Variants in EXOC6B observed in about 807,000 individuals in gnomAD.
EXOC6B encodes exocyst complex component 6B, also known as SEC15 homolog B.
Under a neutral mutation model 113.5 loss-of-function variants are expected in EXOC6B, and 54 were observed. The ratio of observed to expected loss-of-function variants is 0.48; its 90% confidence interval spans 0.38 to 0.60. The LOEUF is 0.60. Ranked by LOEUF, EXOC6B falls within the 20% of genes least tolerant of loss-of-function variation. The pLI is 0.00. For missense variants in EXOC6B, 797 were observed against 977.5 expected, an observed-to-expected ratio of 0.82 and a Z score of 2.46; for synonymous variants, 357 against 339.0, an observed-to-expected ratio of 1.05 and a Z score of -0.58.
intron 20 of EXOC6B, among the ~76,000 whole-genome samples, chr2:72,275,641 T>C (rs1164235609): frequency 6.6e-6 from 1 of 152,170 alleles, no homozygotes; most frequent in African/African-American, 2.4e-5. Context: ...CTAAAAAAGA[T>C]ATAATCTTTC....
intron 18 of EXOC6B, among the ~76,000 whole-genome samples, chr2:72,430,659 A>T (rs534723517): frequency 9.8e-5 from 15 of 152,302 alleles, no homozygotes; most frequent in Admixed American, 2.6e-4. Context: ...AAAAGAAAAA[A>T]CAATTACTCC....
intron 6 of EXOC6B, among the ~76,000 whole-genome samples, chr2:72,657,706 T>C (rs945765502): frequency 5.3e-5 from 8 of 150,840 alleles, no homozygotes; most frequent in African/African-American, 2.0e-4. Context: ...TTGGGGTCTC[T>C]GATGATTTTG....
At chr2:72,258,914 C>G (rs1683527924) in intron 20 of EXOC6B, among the ~76,000 whole-genome samples, 1 of 152,104 alleles carries the variant, frequency 6.6e-6, no homozygotes, top group Admixed American at 6.6e-5. Context: ...CCATCTAAAT[C>G]TACAATTTAC....
chr2:72,218,257 G>A (rs1010931298), intron 20 of EXOC6B, among the ~76,000 whole-genome samples: 2 of 152,200 alleles, frequency 1.3e-5, no homozygotes, highest in Admixed American at 6.5e-5. Flanking sequence ...CAAGGTGAAT[G>A]TTTCAGGTTG....
At chr2:72,708,102 T>C (rs1679006098) in intron 6 of EXOC6B, among the ~76,000 whole-genome samples, 1 of 152,004 alleles carries the variant, frequency 6.6e-6, no homozygotes, top group Non-Finnish European at 1.5e-5. Flanking sequence ...AATATTAACC[T>C]CCTGAAACAA....
intron 19 of EXOC6B, among the ~76,000 whole-genome samples, chr2:72,373,269 G>A (rs1460118637): frequency 6.6e-6 from 1 of 152,008 alleles, no homozygotes; most frequent in East Asian, 1.9e-4. Context: ...TGGCCTGACT[G>A]GTCTGGAACT....
At position 72,683,834 on chromosome 2, in the gene EXOC6B, T is replaced by C. The variant is rs1169064214; in HGVS notation, c.669+34269A>G. On this transcript the variant is annotated intron_variant, in intron 6 of 21. Transcript: ENST00000272427. ...TGTTGCTCCTCTGTCATTTAGTTTA[T>C]CATTCCACCTTTTTTTCTTTGTGCT... is the stretch of plus-strand genomic sequence containing the variant. Among the ~76,000 whole-genome samples, 4 of 152,352 alleles carry C rather than the reference T, an allele frequency of 2.6e-5. No homozygotes were observed. In the East Asian group the frequency reaches 5.8e-4, roughly 22 times the overall value.
rs888518994 is a variant in EXOC6B, at chr2:72,634,033, G to GA, written c.670-58366dup. 1.6e-3 allele frequency among the ~76,000 whole-genome samples: 239 copies of GA among 150,250 alleles called. 1 individual carries two copies. Among genetic ancestry groups the GA allele is most frequent in the African/African-American group, 5.5e-3 (225 of 40,976 alleles). ...ACGAAAATAAAAACGATCCAGATGGGAAAAAAAAAGAGCATGCGTGAAGGT... is the reference window on the plus strand; with the variant it reads ...ACGAAAATAAAAACGATCCAGATGGGAAAAAAAAAAGAGCATGCGTGAAGGT... On this transcript the variant is annotated intron_variant, in intron 6 of 21. Transcript: ENST00000272427.
chr2:72,557,486 T>A (rs899975001), intron 8 of EXOC6B, among the ~76,000 whole-genome samples: 2 of 152,216 alleles, frequency 1.3e-5, no homozygotes, highest in East Asian at 3.8e-4. Context: ...AATGAGATCA[T>A]GTCTTTTGCA....
chr2:72,318,047 T>C (rs1461770362), intron 20 of EXOC6B, among the ~76,000 whole-genome samples: 1 of 152,206 alleles, frequency 6.6e-6, no homozygotes. Flanking sequence ...CTCACTTTGC[T>C]GGCCAATAGA....
At chr2:72,698,965 A>T (rs1426680226) in intron 6 of EXOC6B, among the ~76,000 whole-genome samples, 1 of 152,234 alleles carries the variant, frequency 6.6e-6, no homozygotes, top group Non-Finnish European at 1.5e-5. Flanking sequence ...TACGGACCTT[A>T]ATAATCTAGA....
chr2:72,605,140 G>A (rs535615350), intron 6 of EXOC6B, among the ~76,000 whole-genome samples: 8 of 151,994 alleles, frequency 5.3e-5, no homozygotes, highest in South Asian at 2.1e-4. Flanking sequence ...AAAATTAGCA[G>A]GGTGTGATGG....
chr2:72,414,897 TTTTTTG>T (rs200362779), intron 18 of EXOC6B, among the ~76,000 whole-genome samples: 31,594 of 151,366 alleles, frequency 0.21, 6,214 homozygotes, highest in African/African-American at 0.53. Context: ...TTATTATTAG[TTTTTTG>T]TTTTTGTTTT....
At chr2:72,197,483 A>T (rs967750933) in intron 20 of EXOC6B, among the ~76,000 whole-genome samples, 2 of 152,194 alleles carry the variant, frequency 1.3e-5, no homozygotes, top group African/African-American at 4.8e-5. Flanking sequence ...ACTGACTCTC[A>T]GTCTAAGGAC....
At chr2:72,394,338 A>T (rs548615830) in intron 18 of EXOC6B, among the ~76,000 whole-genome samples, 1 of 152,250 alleles carries the variant, frequency 6.6e-6, no homozygotes, top group African/African-American at 2.4e-5. Flanking sequence ...TTCTGAAGCA[A>T]ATCAAGGAGA....
In EXOC6B at chr2:72,736,984, G is replaced by A. The variant is rs373325168; in HGVS notation, c.280-3866C>T. ...TTTTGTCCAGCTAAGGCTGATCAGC[G>A]CACAAAATTTAAGGATTACAAATGT... On this transcript the variant is annotated intron_variant, in intron 2 of 21. Coordinates refer to ENST00000272427, the MANE Select transcript of EXOC6B (RefSeq NM_015189.3). Among the ~76,000 whole-genome samples, 14 of 152,216 alleles carry A rather than the reference G, an allele frequency of 9.2e-5. No homozygotes were observed. The East Asian group carries it at 9.7e-4, about 11-fold the overall frequency.
chr2:72,710,202 C>T (rs1205697653), intron 6 of EXOC6B, among the ~76,000 whole-genome samples: 1 of 152,002 alleles, frequency 6.6e-6, no homozygotes, highest in South Asian at 2.1e-4. Context: ...AAAAATATTG[C>T]TTTCTGTGGG....
At chr2:72,543,717 T>C (rs1702744320) in intron 8 of EXOC6B, among the ~76,000 whole-genome samples, 1 of 152,212 alleles carries the variant, frequency 6.6e-6, no homozygotes, top group Non-Finnish European at 1.5e-5. Flanking sequence ...TGGCTTTTCC[T>C]GTGTCCTTAT....
At chr2:72,407,420 A>C (rs1365091507) in intron 18 of EXOC6B, among the ~76,000 whole-genome samples, 1 of 152,208 alleles carries the variant, frequency 6.6e-6, no homozygotes, top group African/African-American at 2.4e-5. Flanking sequence ...AAAAAAAGAG[A>C]ATTTTAGACC....
Sources: allele counts gnomAD v4.1 joint callset (sites outside exome capture counted in the v4.1 genomes callset), GRCh38; gene constraint gnomAD v4.1.1; transcripts MANE v1.5; gene names NCBI Gene and HGNC (gene_info 2026-07-23, HGNC 2026-07-21).